ADAMTS18: variants seen among roughly 807,000 people sequenced by gnomAD.
The protein encoded by ADAMTS18 is A disintegrin and metalloproteinase with thrombospondin motifs 18.
In ADAMTS18, 157 loss-of-function variants were observed where a neutral mutation model predicts 165.9. The observed-to-expected ratio is 0.95, with a 90% CI of 0.83 to 1.08. ADAMTS18 has a LOEUF of 1.08. Among genes scored for constraint, ADAMTS18 ranks in the 50% least tolerant of loss-of-function variants. The pLI is 0.00. For missense variants in ADAMTS18, 2,040 were observed against 1,534.0 expected, an observed-to-expected ratio of 1.33 and a Z score of -5.51; for synonymous variants, 782 against 578.2, an observed-to-expected ratio of 1.35 and a Z score of -5.06.
intron 3 of ADAMTS18, among the ~76,000 whole-genome samples, chr16:77,399,261 C>T (rs981766829): frequency 2.0e-5 from 3 of 152,154 alleles, no homozygotes; most frequent in Non-Finnish European, 4.4e-5. Context: ...GGCTAGGTAC[C>T]ACTTCAGGCA....
chr16:77,301,162 A>G (rs1245135266), intron 16 of ADAMTS18, among the ~76,000 whole-genome samples: 1 of 152,198 alleles, frequency 6.6e-6, no homozygotes, highest in Non-Finnish European at 1.5e-5. Flanking sequence ...GACTACTAAA[A>G]TAAGAGCAAT....
At chr16:77,384,863 C>G (rs2057083539) in intron 3 of ADAMTS18, among the ~76,000 whole-genome samples, 1 of 151,242 alleles carries the variant, frequency 6.6e-6, no homozygotes, top group South Asian at 2.1e-4. Context: ...ATATAGTTAT[C>G]AAAATATTTA....
At chr16:77,359,836 C>G (rs2056686484) in intron 7 of ADAMTS18, among the ~76,000 whole-genome samples, 1 of 152,216 alleles carries the variant, frequency 6.6e-6, no homozygotes, top group Non-Finnish European at 1.5e-5. Context: ...AACGTCACAG[C>G]TCAGGGTGTA....
At chr16:77,419,863 G>C in intron 3 of ADAMTS18, among the ~76,000 whole-genome samples, 1 of 151,814 alleles carries the variant, frequency 6.6e-6, no homozygotes, top group South Asian at 2.1e-4. Flanking sequence ...AGCTGGGTAT[G>C]GTAGTGGCGC....
intron 3 of ADAMTS18, among the ~76,000 whole-genome samples, chr16:77,395,734 C>T (rs1217516642): frequency 6.6e-6 from 1 of 151,934 alleles, no homozygotes; most frequent in African/African-American, 2.4e-5. Context: ...CCTGCCCTGA[C>T]ACTAAGGATT....
chr16:77,346,279 T>G (rs917024686), intron 10 of ADAMTS18, among the ~76,000 whole-genome samples: 10 of 152,194 alleles, frequency 6.6e-5, no homozygotes, highest in African/African-American at 2.4e-4. Flanking sequence ...TGTGTTTTGT[T>G]TTCTCCCCCA....
chr16:77,334,226 TATATAATATATAGTGTTATATATTAC>T lies in ADAMTS18; in HGVS notation c.1859+1504_1859+1529del, dbSNP rs1567491109. On this transcript the variant is annotated intron_variant, in intron 12 of 22. Coordinates refer to ENST00000282849, the MANE Select transcript of ADAMTS18 (RefSeq NM_199355.4). ...ATATAATATACAGTGTTATATATTATATATAATATATAGTGTTATATATTACATATAATATATAGTGTTATATATTA... is the reference window on the plus strand; with the variant it reads ...ATATAATATACAGTGTTATATATTATATATAATATATAGTGTTATATATTA... Among the ~76,000 whole-genome samples, 314 of 77,222 alleles carry T rather than the reference TATATAATATATAGTGTTATATATTAC, an allele frequency of 4.1e-3. 15 individuals carry two copies. The highest frequency in any genetic ancestry group is 0.033 in the Middle Eastern group (2 of 60). The allele number at this position is 77,222 out of a possible 152,430, so 50.7% of individuals were successfully genotyped here. A position where few individuals can be genotyped will look rare whatever the true frequency, so the allele number is the denominator to read the frequency against.
rs187699223 is a variant in ADAMTS18, at chr16:77,431,943, A to G, written c.179-332T>C. On this transcript the variant is annotated intron_variant, in intron 2 of 22. Coordinates refer to ENST00000282849, the MANE Select transcript of ADAMTS18 (RefSeq NM_199355.4). ...TTTAATGGTCTGGGCCTTTTATAATATTGGCCACAGAACCATTCATATATA... is the reference window on the plus strand; with the variant it reads ...TTTAATGGTCTGGGCCTTTTATAATGTTGGCCACAGAACCATTCATATATA... Among the ~76,000 whole-genome samples the G allele has an allele frequency of 9.1e-4, 138 of 152,306 alleles. 2 individuals carry two copies. The highest frequency in any genetic ancestry group is 3.2e-3 in the African/African-American group (131 of 41,562).
intron 16 of ADAMTS18, among the ~76,000 whole-genome samples, chr16:77,313,503 A>T (rs1478831517): frequency 6.6e-6 from 1 of 152,050 alleles, no homozygotes; most frequent in Non-Finnish European, 1.5e-5. Flanking sequence ...AAAAAAACTT[A>T]AATTACAAAC....
chr16:77,291,205 G>C, intron 21 of ADAMTS18, 61 bp downstream of exon 21: 1 of 1,568,056 alleles, frequency 6.4e-7, no homozygotes, highest in East Asian at 2.2e-5. Context: ...ACTGTTTGCA[G>C]AACGCCTCAT....
intron 3 of ADAMTS18, among the ~76,000 whole-genome samples, chr16:77,399,602 T>C (rs2057300550): frequency 6.6e-6 from 1 of 152,160 alleles, no homozygotes; most frequent in Admixed American, 6.6e-5. Flanking sequence ...ACCCTGACCT[T>C]TTGCTGTTTC....
At chr16:77,321,447 T>G (rs1159956177) in intron 14 of ADAMTS18, among the ~76,000 whole-genome samples, 1 of 152,102 alleles carries the variant, frequency 6.6e-6, no homozygotes, top group Non-Finnish European at 1.5e-5. Flanking sequence ...GAAACTGGAA[T>G]AAAAAGTCAC....
chr16:77,403,356 T>C (rs941761575), intron 3 of ADAMTS18, among the ~76,000 whole-genome samples: 1 of 144,602 alleles, frequency 6.9e-6, no homozygotes, highest in Non-Finnish European at 1.6e-5. Context: ...GTAGGCAGTA[T>C]GAAGAGTAAG....
chr16:77,312,788 G>C (rs546207048), intron 16 of ADAMTS18, among the ~76,000 whole-genome samples: 2 of 152,204 alleles, frequency 1.3e-5, no homozygotes, highest in East Asian at 3.9e-4. Context: ...AAAAAGTCAG[G>C]AAACAACAGG....
At chr16:77,345,153 A>G (rs2056457339) in intron 10 of ADAMTS18, among the ~76,000 whole-genome samples, 5 of 152,148 alleles carry the variant, frequency 3.3e-5, no homozygotes, top group Admixed American at 3.3e-4. Context: ...CTCCAGTTGT[A>G]TTCTATAGGC....
chr16:77,336,816 A>G (rs2056318200), intron 11 of ADAMTS18, among the ~76,000 whole-genome samples: 1 of 151,938 alleles, frequency 6.6e-6, no homozygotes, highest in Non-Finnish European at 1.5e-5. Flanking sequence ...CCAATCCCCA[A>G]CCCCTGCAGT....
At chr16:77,404,704 T>C (rs189395400) in intron 3 of ADAMTS18, among the ~76,000 whole-genome samples, 144 of 152,270 alleles carry the variant, frequency 9.5e-4, no homozygotes, top group African/African-American at 3.3e-3. Flanking sequence ...TTCTAATGTA[T>C]TTCTCACAGA....
chr16:77,362,486 G>C (rs1283957332), intron 6 of ADAMTS18, among the ~76,000 whole-genome samples: 1 of 152,196 alleles, frequency 6.6e-6, no homozygotes, highest in Non-Finnish European at 1.5e-5. Flanking sequence ...ATTGATCATA[G>C]TTCTACAAAA....
intron 3 of ADAMTS18, among the ~76,000 whole-genome samples, chr16:77,428,341 A>T (rs187025224): frequency 6.6e-6 from 1 of 152,296 alleles, no homozygotes; most frequent in East Asian, 1.9e-4. Flanking sequence ...TATAGATGCT[A>T]ATTAATTTCA....
Sources: gnomAD v4.1 joint callset for allele counts (sites outside exome capture counted in the v4.1 genomes callset) on GRCh38, gnomAD v4.1.1 for gene constraint, MANE v1.5 for transcripts, NCBI Gene and HGNC (gene_info 2026-07-23, HGNC 2026-07-21) for gene names.